GLYR1: variants seen among roughly 807,000 people sequenced by gnomAD.
The protein encoded by GLYR1 is glyoxylate reductase 1 homolog.
A neutral mutation model predicts 72.7 loss-of-function variants in GLYR1; 21 were observed. The observed-to-expected ratio is 0.29, with a 90% CI of 0.20 to 0.42. GLYR1 has a LOEUF of 0.42. Ranked by LOEUF, GLYR1 falls within the 10% of genes least tolerant of loss-of-function variation. The pLI, the probability that GLYR1 is intolerant of heterozygous loss-of-function variation, is 1.00. For synonymous variants in GLYR1, 392 were observed against 270.2 expected (o/e 1.45, Z -4.42); for missense variants, 594 against 712.1 (o/e 0.83, Z 1.89).
At chr16:4,820,209 G>C (rs1268813653) in intron 9 of GLYR1, among the ~76,000 whole-genome samples, 1 of 152,156 alleles carries the variant, frequency 6.6e-6, no homozygotes, top group Non-Finnish European at 1.5e-5. Context: ...GGCTGGTCTT[G>C]AACTCCTGAC....
chr16:4,810,732 A>AAAAAAC (rs2083279321), intron 15 of GLYR1, among the ~76,000 whole-genome samples: 1 of 142,106 alleles, frequency 7.0e-6, no homozygotes, highest in African/African-American at 2.6e-5. Context: ...AAAAAAAAAA[A>AAAAAAC]ATTAGCCGGG....
intron 10 of GLYR1, among the ~76,000 whole-genome samples, chr16:4,817,273 C>T (rs1370938788): frequency 6.6e-6 from 1 of 151,888 alleles, no homozygotes; most frequent in South Asian, 2.1e-4. Flanking sequence ...GTGCCCGCCA[C>T]CACGCCCGGC....
Position 4,812,182 on chromosome 16 carries a change from C to A in GLYR1, c.1186G>T (p.Asp396Tyr). The change falls in exon 13 of 16, where the codon GAC becomes TAC. Residue 396 changes from aspartate (D) to tyrosine (Y), a missense_variant. Transcript: ENST00000321919. ...PVSGNQQLSN[D>Y]GMLVILAAGD... ...GCCGCTAAGATCACCAACATCCCGT[C>A]ATTAGACAGCTGCTGATTCCCTGAG... 1 of 1,614,168 alleles carries A rather than the reference C, an allele frequency of 6.2e-7. No homozygotes were observed. Among genetic ancestry groups the A allele is most frequent in the Non-Finnish European group, 8.5e-7 (1 of 1,180,034 alleles).
chr16:4,824,330 C>A (rs113138932), intron 5 of GLYR1, among the ~76,000 whole-genome samples: 4 of 151,654 alleles, frequency 2.6e-5, no homozygotes, highest in African/African-American at 7.3e-5. Flanking sequence ...CTGGCCAACA[C>A]GGTGAAACCC....
intron 9 of GLYR1, among the ~76,000 whole-genome samples, chr16:4,818,097 C>T (rs1182856024): frequency 2.6e-5 from 4 of 151,648 alleles, no homozygotes; most frequent in Non-Finnish European, 4.4e-5. Flanking sequence ...TGGGTTCAAG[C>T]GATTCTCCTG....
intron 13 of GLYR1, 120 bp downstream of exon 13, chr16:4,811,966 G>C: frequency 6.9e-7 from 1 of 1,456,400 alleles, no homozygotes; most frequent in South Asian, 1.3e-5. Context: ...CTATGCAGGT[G>C]AAAGGAAACC....
chr16:4,844,992 C>T, intron 3 of GLYR1, 82 bp downstream of exon 3: 1 of 902,286 alleles, frequency 1.1e-6, no homozygotes, highest in Non-Finnish European at 1.8e-6. Context: ...ACTAAGGATC[C>T]TTAGAATATT....
At position 4,808,789 on chromosome 16, in the gene GLYR1, C is replaced by T. The variant is rs569867980; in HGVS notation, c.1587+2381G>A. ...ATGAGCTAAGAAAGCGGAACTTCTA[C>T]CCTAAAAAGCTTTTCGAAAGTGTAT... On this transcript the variant is annotated intron_variant, in intron 15 of 15. Transcript: ENST00000321919. Among the ~76,000 whole-genome samples the T allele has an allele frequency of 8.5e-4, 129 of 151,634 alleles. 1 individual carries two copies. Among genetic ancestry groups the T allele is most frequent in the Middle Eastern group, 3.4e-3 (1 of 292 alleles).
chr16:4,839,790 C>T (rs1329719791), intron 3 of GLYR1: 1 of 152,086 alleles, frequency 6.6e-6, no homozygotes, highest in African/African-American at 2.4e-5. Context: ...CATAAGGAGC[C>T]GTTCTTTCTG....
intron 5 of GLYR1, among the ~76,000 whole-genome samples, chr16:4,827,496 A>G (rs2084460363): frequency 6.6e-6 from 1 of 152,142 alleles, no homozygotes; most frequent in African/African-American, 2.4e-5. Flanking sequence ...GGACACCTCG[A>G]AGGGTCAATA....
chr16:4,817,039 A>T (rs1372791802), intron 10 of GLYR1, among the ~76,000 whole-genome samples: 1 of 149,650 alleles, frequency 6.7e-6, no homozygotes, highest in African/African-American at 2.5e-5. Flanking sequence ...TGCCTCCCAC[A>T]TTCAAGTTAT....
chr16:4,829,699 G>C (rs1290585352), intron 5 of GLYR1, among the ~76,000 whole-genome samples: 1 of 151,396 alleles, frequency 6.6e-6, no homozygotes, highest in Non-Finnish European at 1.5e-5. Context: ...TTGAGACGGA[G>C]TCTCACTCTG....
chr16:4,819,657 C>T lies in GLYR1; in HGVS notation c.806+1723G>A, dbSNP rs8059204. Among the ~76,000 whole-genome samples, 1,175 of 152,282 alleles carry T rather than the reference C, an allele frequency of 7.7e-3. 15 individuals are homozygous for T. Among genetic ancestry groups the T allele is most frequent in the African/African-American group, 0.027 (1,109 of 41,546 alleles). ...TCTGACTGCTGGATGTCCCCGGCAG[C>T]TCCTCCACTTTGACCCTGTCATTCT... On this transcript the variant is annotated intron_variant, in intron 9 of 15. Transcript: ENST00000321919.
chr16:4,810,698 C>CAAA (rs1288961717), intron 15 of GLYR1, among the ~76,000 whole-genome samples: 2 of 17,644 alleles, frequency 1.1e-4, no homozygotes, highest in African/African-American at 2.3e-4. Flanking sequence ...CCTGTCTCTA[C>CAAA]TAAAAAAAAA....
At chr16:4,811,927 G>A in intron 13 of GLYR1, 125 bp from the exon 14 acceptor site, 1 of 1,415,812 alleles carries the variant, frequency 7.1e-7, no homozygotes, top group Non-Finnish European at 9.5e-7. Flanking sequence ...GCCCCCGACA[G>A]ACTGGCTCTT....
At chr16:4,837,849 T>G (rs932565531) in intron 3 of GLYR1, among the ~76,000 whole-genome samples, 2 of 152,110 alleles carry the variant, frequency 1.3e-5, no homozygotes, top group East Asian at 1.9e-4. Flanking sequence ...GATAATCGCT[T>G]GAACCCAGGA....
At chr16:4,812,737 C>T (rs1045792053) in intron 12 of GLYR1, among the ~76,000 whole-genome samples, 5 of 151,818 alleles carry the variant, frequency 3.3e-5, no homozygotes, top group African/African-American at 4.8e-5. Context: ...GTGATCCGCC[C>T]GCCTCGGCCT....
At chr16:4,809,966 C>G (rs1352313679) in intron 15 of GLYR1, among the ~76,000 whole-genome samples, 1 of 151,488 alleles carries the variant, frequency 6.6e-6, no homozygotes, top group African/African-American at 2.4e-5. Context: ...CAAAAAAAAC[C>G]CAATACAGGG....
intron 4 of GLYR1, 44 bp from the exon 5 acceptor site, chr16:4,832,265 T>C (rs769359750): frequency 1.6e-5 from 25 of 1,602,606 alleles, no homozygotes; most frequent in South Asian, 7.8e-5. Flanking sequence ...CCACAGCTGC[T>C]GCCGCCATCG....
Sources: gnomAD v4.1 joint callset for allele counts (sites outside exome capture counted in the v4.1 genomes callset) on GRCh38, gnomAD v4.1.1 for gene constraint, MANE v1.5 for transcripts, NCBI Gene and HGNC (gene_info 2026-07-23, HGNC 2026-07-21) for gene names.